The following UNC13C variants were observed in gnomAD, a reference collection of about 807,000 sequenced individuals.
UNC13C encodes protein unc-13 homolog C.
A neutral mutation model predicts 245.4 loss-of-function variants in UNC13C; 174 were observed. The ratio of observed to expected loss-of-function variants is 0.71; its 90% CI spans 0.63 to 0.80. The LOEUF (loss-of-function observed/expected upper bound fraction) is 0.80. UNC13C is among the 30% of genes least tolerant of loss of function. The probability of loss-of-function intolerance (pLI) is 0.00; values close to 1 mark genes in which losing one functional copy is unlikely to be tolerated. For synonymous variants in UNC13C, 992 were observed against 895.1 expected (o/e 1.11, Z -1.93); for missense variants, 2,829 against 2,602.9 (o/e 1.09, Z -1.89).
At chr15:54,191,798 A>G (rs958074878) in intron 4 of UNC13C, among the ~76,000 whole-genome samples, 1 of 152,106 alleles carries the variant, frequency 6.6e-6, no homozygotes, top group East Asian at 1.9e-4. Context: ...TTCTCTAATG[A>G]CCAGTGGTGA....
At chr15:54,451,931 C>G (rs1044877201) in intron 19 of UNC13C, among the ~76,000 whole-genome samples, 3 of 152,126 alleles carry the variant, frequency 2.0e-5, no homozygotes, top group Non-Finnish European at 4.4e-5. Flanking sequence ...GGACTTCATA[C>G]TGAATGTGTA....
intron 2 of UNC13C, among the ~76,000 whole-genome samples, chr15:54,140,921 G>T (rs892360517): frequency 3.9e-5 from 6 of 152,156 alleles, no homozygotes; most frequent in African/African-American, 9.7e-5. Flanking sequence ...AACAAAAAAG[G>T]TTCACTGGCC....
intron 19 of UNC13C, among the ~76,000 whole-genome samples, chr15:54,437,764 C>A (rs377417301): frequency 2.6e-5 from 4 of 151,832 alleles, no homozygotes; most frequent in East Asian, 3.9e-4. Context: ...CATGTTTGAA[C>A]CCATATATGC....
intron 19 of UNC13C, among the ~76,000 whole-genome samples, chr15:54,471,579 T>G (rs1457502933): frequency 6.6e-6 from 1 of 151,648 alleles, no homozygotes; most frequent in African/African-American, 2.4e-5. Context: ...GTCTATGACT[T>G]TTCCATAAGG....
At chr15:54,113,430 A>C (rs1419713757) in intron 2 of UNC13C, among the ~76,000 whole-genome samples, 2 of 152,212 alleles carry the variant, frequency 1.3e-5, no homozygotes, top group Non-Finnish European at 2.9e-5. Context: ...GAAGAAAGTC[A>C]GGTCAGATAT....
rs766646719 is a variant in UNC13C at position 54,623,934 on chromosome 15, G to C, written c.6339G>C (p.Lys2113Asn). 1 of 1,613,104 alleles carries C rather than the reference G, an allele frequency of 6.2e-7. No individual in the cohort carries two copies. The highest frequency in any genetic ancestry group is 8.5e-7 in the Non-Finnish European group (1 of 1,179,322). ...TKTKSNTWSP[K>N]YNETFQFILG... ...CAAAAAGCAACACATGGTCACCAAA[G>C]TACAATGAAACATTTCAGTTGTAAG... Residue 2113 changes from lysine to asparagine, a missense_variant, in exon 32 of 33, where the codon AAG becomes AAC. Lys to Asn is a moderately conservative substitution (Grantham distance 94). Coordinates refer to ENST00000260323, the MANE Select transcript of UNC13C (RefSeq NM_001080534.3).
chr15:54,195,908 C>A (rs1363464026), intron 4 of UNC13C, among the ~76,000 whole-genome samples: 1 of 152,104 alleles, frequency 6.6e-6, no homozygotes, highest in African/African-American at 2.4e-5. Flanking sequence ...ATCTGCCCAG[C>A]TTACTTTACC....
the UNC13C span, among the ~76,000 whole-genome samples, chr15:53,932,116 C>T: frequency 6.6e-6 from 1 of 152,092 alleles, no homozygotes; most frequent in Non-Finnish European, 1.5e-5. Context: ...TGAGACCAGC[C>T]TGGCCAACAT....
the UNC13C span, among the ~76,000 whole-genome samples, chr15:53,843,209 C>A: frequency 2.6e-5 from 4 of 152,102 alleles, no homozygotes; most frequent in Non-Finnish European, 5.9e-5. Flanking sequence ...GAGGCCGAGA[C>A]AGGCAGATTG....
intron 7 of UNC13C, among the ~76,000 whole-genome samples, chr15:54,249,922 C>T (rs918170338): frequency 1.4e-4 from 22 of 152,122 alleles, no homozygotes; most frequent in African/African-American, 5.1e-4. Context: ...GGGACTTAGA[C>T]ATTCTCAACT....
chr15:54,206,991 C>A (rs1397215743), intron 4 of UNC13C, among the ~76,000 whole-genome samples: 1 of 151,964 alleles, frequency 6.6e-6, no homozygotes, highest in Non-Finnish European at 1.5e-5. Context: ...ACCCAAGGTA[C>A]CCTAAGTAGC....
At chr15:54,284,318 T>A (rs1443872956) in intron 10 of UNC13C, among the ~76,000 whole-genome samples, 2 of 152,308 alleles carry the variant, frequency 1.3e-5, no homozygotes, top group South Asian at 2.1e-4. Context: ...TAATATCTAA[T>A]GAGGAATTAA....
chr15:54,589,670 TC>T (rs1417761158), intron 30 of UNC13C, among the ~76,000 whole-genome samples: 2 of 152,070 alleles, frequency 1.3e-5, no homozygotes, highest in Non-Finnish European at 2.9e-5. Flanking sequence ...ATTTTTTTTT[TC>T]TTACTGATTT....
downstream of UNC13C, chr15:54,632,617 A>T (rs1389536152): frequency 6.6e-6 from 1 of 152,182 alleles, no homozygotes; most frequent in Non-Finnish European, 1.5e-5. Context: ...GCACCACACA[A>T]TTCATTGAAA....
chr15:54,447,528 C>G (rs1395223633), intron 19 of UNC13C, among the ~76,000 whole-genome samples: 2 of 152,146 alleles, frequency 1.3e-5, no homozygotes, highest in Non-Finnish European at 2.9e-5. Context: ...GGAATTTATC[C>G]ATTTCTTCTA....
chr15:54,610,973 A>G (rs532413823), intron 30 of UNC13C, among the ~76,000 whole-genome samples: 1 of 152,346 alleles, frequency 6.6e-6, no homozygotes, highest in South Asian at 2.1e-4. Context: ...TAAATTTAGC[A>G]TTAAAACTGT....
intron 8 of UNC13C, among the ~76,000 whole-genome samples, chr15:54,251,086 A>T (rs2036141126): frequency 6.6e-6 from 1 of 152,074 alleles, no homozygotes; most frequent in South Asian, 2.1e-4. Flanking sequence ...CATACATCAT[A>T]ATAGTTCCAT....
chr15:54,274,817 G>A (rs1008812829), intron 10 of UNC13C, among the ~76,000 whole-genome samples: 7 of 151,676 alleles, frequency 4.6e-5, no homozygotes, highest in East Asian at 2.0e-4. Context: ...GACTACAGGC[G>A]CCCGCCACCA....
rs2051415121 is a variant in UNC13C, at chr15:54,599,199, T to A, written c.6107-23128T>A. The stretch of plus-strand genomic sequence containing the variant: ...AATATTATCATTCCCATCTTACCAA[T>A]GAAGAGAAACAGAGGTTCAGAGAGG... On this transcript the variant is annotated intron_variant, in intron 30 of 32. Coordinates refer to ENST00000260323, the MANE Select transcript of UNC13C (RefSeq NM_001080534.3). Among the ~76,000 whole-genome samples, 3 of 152,150 alleles carry A rather than the reference T, an allele frequency of 2.0e-5. No individual in the cohort carries two copies. In the South Asian group the frequency reaches 6.2e-4, roughly 32 times the overall value.
Sources: allele counts gnomAD v4.1 joint callset (sites outside exome capture counted in the v4.1 genomes callset), GRCh38; gene constraint gnomAD v4.1.1; transcripts MANE v1.5; gene names NCBI Gene and HGNC (gene_info 2026-07-23, HGNC 2026-07-21).